HEATR5A: variants seen among roughly 807,000 people sequenced by gnomAD.
HEATR5A encodes the protein HEAT repeat containing 5A.
A neutral mutation model predicts 218.8 loss-of-function variants in HEATR5A; 178 were observed. The observed-to-expected ratio is 0.81, with a 90% CI of 0.72 to 0.92. The LOEUF is 0.92. Among genes scored for constraint, HEATR5A ranks in the 40% least tolerant of loss-of-function variants. The pLI is 0.00. For synonymous variants in HEATR5A, 864 were observed against 871.6 expected (o/e 0.99, Z 0.15); for missense variants, 2,420 against 2,418.9 (o/e 1.00, Z -0.01).
In HEATR5A at chr14:31,380,507, T is replaced by A. The variant is rs372688180; in HGVS notation, c.1668A>T (p.Thr556=). 6.2e-7 allele frequency: 1 copy of A among 1,609,356 alleles called. No homozygotes were observed. The highest frequency in any genetic ancestry group is 8.5e-7 in the Non-Finnish European group (1 of 1,177,810). ...CAGAAATCAGCAACCATCCAGCTTGTGTGCGCTGAGCTGAAAGGCGACTGT... is the reference window on the plus strand; with the variant it reads ...CAGAAATCAGCAACCATCCAGCTTGAGTGCGCTGAGCTGAAAGGCGACTGT... ...AQNSRLSAQR[T]QAGWLLISAL... Residue 556 remains threonine (T), a synonymous_variant, in exon 11 of 36, where the codon ACA becomes ACT. Coordinates refer to ENST00000543095, the MANE Select transcript of HEATR5A (RefSeq NM_015473.4).
chr14:31,396,716 T>C (rs777725357), intron 4 of HEATR5A, among the ~76,000 whole-genome samples: 43 of 152,338 alleles, frequency 2.8e-4, no homozygotes, highest in Non-Finnish European at 4.7e-4. Context: ...ATGTTGTGTA[T>C]CACTGGTGAG....
chr14:31,414,517 A>G (rs1408761027), intron 1 of HEATR5A, among the ~76,000 whole-genome samples: 1 of 152,244 alleles, frequency 6.6e-6, no homozygotes, highest in Non-Finnish European at 1.5e-5. Flanking sequence ...TTAAAAGCAG[A>G]GCAATATAGG....
At chr14:31,389,444 T>G (rs575364158) in intron 6 of HEATR5A, among the ~76,000 whole-genome samples, 1 of 152,346 alleles carries the variant, frequency 6.6e-6, no homozygotes, top group South Asian at 2.1e-4. Flanking sequence ...TTATATAATG[T>G]AAATGTCCTA....
chr14:31,382,253 A>T (rs954083050), intron 10 of HEATR5A, among the ~76,000 whole-genome samples: 24 of 152,338 alleles, frequency 1.6e-4, no homozygotes, highest in African/African-American at 4.6e-4. Flanking sequence ...CTAAAATAAT[A>T]AATTTAAATA....
At chr14:31,319,694 T>G (rs1453595725) in intron 25 of HEATR5A, among the ~76,000 whole-genome samples, 1 of 152,172 alleles carries the variant, frequency 6.6e-6, no homozygotes, top group Non-Finnish European at 1.5e-5. Context: ...TCTTCTTAAA[T>G]TGTTCAATGG....
At chr14:31,374,995 T>A in intron 11 of HEATR5A, 27 bp from the exon 12 acceptor site, 1 of 1,569,612 alleles carries the variant, frequency 6.4e-7, no homozygotes, top group Non-Finnish European at 8.6e-7. Context: ...TTGTCACTTG[T>A]AAGAGAATCC....
rs757905583 is a variant in HEATR5A, at chr14:31,305,112, G to A, written c.5032C>T (p.Leu1678Phe). ...AAGACCAAAGACTTTCCAGGCACAAGTCCTCCGGTGTCCTTTCCCTCTCCA... is the reference window on the plus strand; with the variant it reads ...AAGACCAAAGACTTTCCAGGCACAAATCCTCCGGTGTCCTTTCCCTCTCCA... ...EFGEGKDTGG[L>F]VPGKSLVFAT... is the part of the protein sequence containing the mutation. Residue 1678 changes from leucine to phenylalanine, a missense_variant, in exon 32 of 36, where the codon CTT becomes TTT. Physicochemically the swap from Leu to Phe is conservative, Grantham distance 22. Coordinates refer to ENST00000543095, the MANE Select transcript of HEATR5A (RefSeq NM_015473.4). 3.1e-6 allele frequency: 5 copies of A among 1,613,858 alleles called. No homozygotes were observed. The Admixed American group carries it at 5.0e-5, about 16-fold the overall frequency.
chr14:31,336,621 C>T (rs1318635372), intron 22 of HEATR5A, among the ~76,000 whole-genome samples: 1 of 152,026 alleles, frequency 6.6e-6, no homozygotes, highest in Non-Finnish European at 1.5e-5. Flanking sequence ...TAATTCAGCT[C>T]TAAAATGTAA....
intron 11 of HEATR5A, 68 bp downstream of exon 11, chr14:31,380,399 T>TA: frequency 1.0e-6 from 1 of 960,488 alleles, no homozygotes; most frequent in East Asian, 2.7e-5. Context: ...TCAAATCACA[T>TA]ATAAGAATCA....
intron 33 of HEATR5A, chr14:31,296,557 A>C (rs1899193253): frequency 6.6e-6 from 1 of 152,536 alleles, no homozygotes; most frequent in South Asian, 2.1e-4. Flanking sequence ...TCTTTGTTAA[A>C]GTATTTTTAT....
chr14:31,363,313 G>A (rs997308552), intron 14 of HEATR5A, among the ~76,000 whole-genome samples: 1 of 151,816 alleles, frequency 6.6e-6, no homozygotes, highest in Non-Finnish European at 1.5e-5. Context: ...GAAGGAAATT[G>A]CTTTTGTCAC....
intron 12 of HEATR5A, among the ~76,000 whole-genome samples, chr14:31,372,266 A>C (rs1210392416): frequency 6.6e-6 from 1 of 151,414 alleles, no homozygotes; most frequent in Non-Finnish European, 1.5e-5. Flanking sequence ...GTGGAATCAC[A>C]CTGACTTTCA....
Position 31,398,794 on chromosome 14 carries a change from T to G in HEATR5A, c.339-13A>C. On this transcript the variant is annotated splice_polypyrimidine_tract_variant and intron_variant, in intron 3 of 35. Transcript: ENST00000543095. ...TACCACAGCAGCACTGAAACAACAT[T>G]TAAATTAGAAATTAGTCACAGCTGA... 1 of 1,421,934 alleles carries G rather than the reference T, an allele frequency of 7.0e-7. No homozygotes were observed. The highest frequency in any genetic ancestry group is 9.6e-7 in the Non-Finnish European group (1 of 1,044,864). The allele number at this position is 1,421,934 out of a possible 1,614,324, so 88.1% of individuals were successfully genotyped here.
intron 13 of HEATR5A, among the ~76,000 whole-genome samples, chr14:31,370,031 C>A (rs10145767): frequency 0.1 from 15,310 of 151,618 alleles, 1,027 homozygotes; most frequent in East Asian, 0.21. Flanking sequence ...TCGAGACCAT[C>A]CTGGCTAACA....
chr14:31,414,948 T>C (rs1222632905), intron 1 of HEATR5A, among the ~76,000 whole-genome samples: 2 of 152,118 alleles, frequency 1.3e-5, no homozygotes, highest in Non-Finnish European at 2.9e-5. Flanking sequence ...TCCAGTGATT[T>C]TCCTGCCTCA....
intron 33 of HEATR5A, among the ~76,000 whole-genome samples, chr14:31,300,750 G>C (rs1167195505): frequency 1.3e-5 from 2 of 152,126 alleles, no homozygotes; most frequent in African/African-American, 4.8e-5. Flanking sequence ...GACTTCTTTT[G>C]CCCAATATTG....
At chr14:31,311,758 C>T (rs909565738) in intron 28 of HEATR5A, among the ~76,000 whole-genome samples, 5 of 152,116 alleles carry the variant, frequency 3.3e-5, no homozygotes, top group East Asian at 3.8e-4. Flanking sequence ...AAACAGCACT[C>T]GGATATAATT....
intron 33 of HEATR5A, chr14:31,297,565 G>GAGT: frequency 6.6e-6 from 1 of 152,166 alleles, no homozygotes; most frequent in Non-Finnish European, 1.5e-5. Flanking sequence ...GCCTTGAGGA[G>GAGT]ATAATACCTG....
intron 30 of HEATR5A, 80 bp downstream of exon 30, chr14:31,307,813 T>G: frequency 1.3e-6 from 2 of 1,487,198 alleles, no homozygotes; most frequent in South Asian, 2.7e-5. Flanking sequence ...GTTTACTTTC[T>G]GTTAACTATA....
Sources: allele counts gnomAD v4.1 joint callset (sites outside exome capture counted in the v4.1 genomes callset), GRCh38; gene constraint gnomAD v4.1.1; transcripts MANE v1.5; gene names NCBI Gene and HGNC (gene_info 2026-07-23, HGNC 2026-07-21).